The following CEP57L1 variants were observed in gnomAD, a reference collection of about 807,000 sequenced individuals.
CEP57L1 encodes centrosomal protein 57 like 1, also known as centrosomal protein CEP57L1.
In CEP57L1, 37 loss-of-function variants were observed where a neutral mutation model predicts 61.0. The ratio of observed to expected loss-of-function variants is 0.61; its 90% CI spans 0.47 to 0.80. CEP57L1 has a LOEUF of 0.80. CEP57L1 is among the 30% of genes least tolerant of loss of function. The pLI, the probability that CEP57L1 is intolerant of heterozygous loss-of-function variation, is 0.00. For missense variants in CEP57L1, 422 were observed against 524.7 expected (o/e 0.80, Z 1.91); for synonymous variants, 137 against 162.3 (o/e 0.84, Z 1.19).
intron 1 of CEP57L1, among the ~76,000 whole-genome samples, chr6:109,126,530 A>G (rs1367496158): frequency 2.0e-5 from 3 of 152,094 alleles, no homozygotes; most frequent in Non-Finnish European, 2.9e-5. Context: ...ACAGTTTTAT[A>G]TTGTTCCTCA....
intron 1 of CEP57L1, among the ~76,000 whole-genome samples, chr6:109,125,945 G>A (rs1773508400): frequency 6.6e-6 from 1 of 151,856 alleles, no homozygotes; most frequent in Non-Finnish European, 1.5e-5. Flanking sequence ...ATTAAAACCT[G>A]TATGTAAAAG....
chr6:109,133,979 A>G (rs1336194355), intron 1 of CEP57L1, among the ~76,000 whole-genome samples: 2 of 152,316 alleles, frequency 1.3e-5, no homozygotes, highest in East Asian at 3.9e-4. Flanking sequence ...ATTCTACCAG[A>G]GGTACAAGGA....
intron 1 of CEP57L1, among the ~76,000 whole-genome samples, chr6:109,138,853 A>G (rs1455496888): frequency 1.3e-5 from 2 of 152,190 alleles, no homozygotes; most frequent in African/African-American, 4.8e-5. Context: ...GATAGTACCA[A>G]ACTCTATATA....
At chr6:109,147,159 T>C (rs1772057836) in intron 3 of CEP57L1, among the ~76,000 whole-genome samples, 1 of 152,110 alleles carries the variant, frequency 6.6e-6, no homozygotes, top group Non-Finnish European at 1.5e-5. Context: ...TTCTAGAAAT[T>C]AAAGGAAAAA....
chr6:109,152,313 T>G (rs1772702625), intron 4 of CEP57L1, among the ~76,000 whole-genome samples: 1 of 152,174 alleles, frequency 6.6e-6, no homozygotes, highest in African/African-American at 2.4e-5. Context: ...CCCAAGTAGC[T>G]GGGATTACAG....
chr6:109,162,354 T>A (rs996264659), intron 10 of CEP57L1, among the ~76,000 whole-genome samples: 13 of 152,090 alleles, frequency 8.5e-5, no homozygotes, highest in Non-Finnish European at 1.6e-4. Flanking sequence ...TTCTCTAGTT[T>A]TTACCAGTTT....
intron 1 of CEP57L1, among the ~76,000 whole-genome samples, chr6:109,125,492 CTATATATATATATATACA>C (rs1773444275): frequency 2.1e-5 from 3 of 143,072 alleles, no homozygotes; most frequent in Admixed American, 7.0e-5. Context: ...TTTTTAAATG[CTATATATATATATATACA>C]TATATATATA....
At position 109,154,401 on chromosome 6, in the gene CEP57L1, A is replaced by G. The variant is rs1001949034; in HGVS notation, c.579+452A>G. ...CCCTTTGAAATAGTACTGTCCTCCT[A>G]TTCTGAACCACACCACAGATGTAAG... On this transcript the variant is annotated intron_variant, in intron 5 of 10. Transcript: ENST00000517392. Among the ~76,000 whole-genome samples the G allele has an allele frequency of 2.6e-5, 4 of 152,216 alleles. No homozygotes were observed. The East Asian group carries it at 7.7e-4, about 29-fold the overall frequency.
chr6:109,132,659 A>G lies in CEP57L1; in HGVS notation c.-3-12560A>G, dbSNP rs117067127. Among the ~76,000 whole-genome samples the G allele has an allele frequency of 5.7e-3, 865 of 152,362 alleles. 5 individuals carry two copies. The highest frequency in any genetic ancestry group is 8.7e-3 in the Non-Finnish European group (593 of 68,040). ...TGTATGTATATATGTGTATGTAAAG[A>G]AATACATATTTAATTTTATTCCATA... On this transcript the variant is annotated intron_variant, in intron 1 of 10. Coordinates refer to ENST00000517392, the MANE Select transcript of CEP57L1 (RefSeq NM_001271852.3).
At chr6:109,159,610 G>A (rs984640640) in intron 9 of CEP57L1, 148 bp downstream of exon 9, 10 of 647,098 alleles carry the variant, frequency 1.5e-5, no homozygotes, top group South Asian at 1.5e-4. Context: ...TGCCTGGCCA[G>A]TATTTTTATT....
intron 1 of CEP57L1, among the ~76,000 whole-genome samples, chr6:109,099,950 T>A (rs920725513): frequency 6.6e-6 from 1 of 152,252 alleles, no homozygotes; most frequent in African/African-American, 2.4e-5. Flanking sequence ...CTTTAACTCC[T>A]CTTCTTGCAG....
Position 109,146,927 on chromosome 6 carries a change from G to A in CEP57L1, c.330G>A (p.Lys110=). ...ATCTGGCACACCAGGAGCTGATAAA[G>A]CAGAAAAAAGGTAAGAAATGCAGTA... ...ERNLAHQELI[K]QKKDISIQLS... The change falls in exon 3 of 11, where the codon AAG becomes AAA. Residue 110 remains lysine, a synonymous_variant. Coordinates refer to ENST00000517392, the MANE Select transcript of CEP57L1 (RefSeq NM_001271852.3). 6.2e-7 allele frequency: 1 copy of A among 1,604,326 alleles called. No homozygotes were observed. The highest frequency in any genetic ancestry group is 1.1e-5 in the South Asian group (1 of 89,112).
At position 109,170,996 on chromosome 6, in the gene CEP57L1, A is replaced by G. The variant is rs1774375501; in HGVS notation, c.*8026A>G. Among the ~76,000 whole-genome samples, 1 of 152,238 alleles carries G rather than the reference A, an allele frequency of 6.6e-6. No individual in the cohort carries two copies. Among genetic ancestry groups the G allele is most frequent in the African/African-American group, 2.4e-5 (1 of 41,458 alleles). ...AAAAAACTTATTCTATTTTATGTAT[A>G]TAACTTCTCCTTTATAAGCTTAGAA... On this transcript the variant is annotated 3_prime_UTR_variant, in exon 11 of 11. Transcript: ENST00000517392.
At chr6:109,125,034 A>G (rs2114721632) in intron 1 of CEP57L1, 1 of 152,330 alleles carries the variant, frequency 6.6e-6, no homozygotes, top group East Asian at 1.9e-4. Flanking sequence ...AGAAACAGGT[A>G]GGTAGACAGC....
At chr6:109,101,623 C>CTTTTTTTTTTTTT (rs1175348573) in intron 1 of CEP57L1, among the ~76,000 whole-genome samples, 1 of 139,930 alleles carries the variant, frequency 7.1e-6, no homozygotes, top group Admixed American at 7.1e-5. Context: ...TTTCTTTTTT[C>CTTTTTTTTTTTTT]TTTTTTTTTT....
rs979471786 is a variant in CEP57L1 at position 109,158,969 on chromosome 6, C to T, written c.745-56C>T. On this transcript the variant is annotated intron_variant, in intron 7 of 10. Transcript: ENST00000517392. ...GTTGAGTTTTGAGAGTTCTTCATAT[C>T]GTAAATAACTTTTAAAATAATTTCT... 1.6e-5 allele frequency: 24 copies of T among 1,534,752 alleles called. No individual in the cohort carries two copies. In the Admixed American group the frequency reaches 2.3e-4, roughly 15 times the overall value.
intron 4 of CEP57L1, among the ~76,000 whole-genome samples, chr6:109,152,675 GTGTGTA>G (rs1254699233): frequency 4.1e-5 from 4 of 96,906 alleles, no homozygotes; most frequent in Admixed American, 3.4e-4. Context: ...GTGTGTGTGT[GTGTGTA>G]TAACTTTCCT....
rs866690553 is a variant in CEP57L1, at chr6:109,173,608, A to C, written c.*10638A>C. ...CCTGGCTAATTAAAAAAAAAAAAAA[A>C]TTTTTTTTTTTGAGGAGACGCGGTC... On this transcript the variant is annotated 3_prime_UTR_variant, in exon 11 of 11. Coordinates refer to ENST00000517392, the MANE Select transcript of CEP57L1 (RefSeq NM_001271852.3). Among the ~76,000 whole-genome samples, 7 of 128,736 alleles carry C rather than the reference A, an allele frequency of 5.4e-5. No homozygotes were observed. Among genetic ancestry groups the C allele is most frequent in the Non-Finnish European group, 1.2e-4 (7 of 59,688 alleles). 84.5% of individuals were successfully genotyped at this position (128,736 alleles called of 152,430 possible). A position where few individuals can be genotyped will look rare whatever the true frequency, so the allele number is the denominator to read the frequency against.
chr6:109,141,541 G>T (rs921643712), intron 1 of CEP57L1, among the ~76,000 whole-genome samples: 1 of 152,012 alleles, frequency 6.6e-6, no homozygotes, highest in Non-Finnish European at 1.5e-5. Flanking sequence ...GAATCCCATT[G>T]AAGTATTTAT....
Sources: allele counts gnomAD v4.1 joint callset (sites outside exome capture counted in the v4.1 genomes callset), GRCh38; gene constraint gnomAD v4.1.1; transcripts MANE v1.5; gene names NCBI Gene and HGNC (gene_info 2026-07-23, HGNC 2026-07-21).